The following KSR2 variants were observed in gnomAD, a reference collection of about 807,000 sequenced individuals.
The protein encoded by KSR2 is kinase suppressor of ras 2.
KSR2 carries 25 observed loss-of-function variants against 107.8 expected under a neutral mutation model. The observed-to-expected ratio is 0.23, with a 90% CI of 0.17 to 0.32. KSR2 has a LOEUF of 0.32. Among genes scored for constraint, KSR2 ranks in the 10% least tolerant of loss-of-function variants. The pLI, the probability that KSR2 is intolerant of heterozygous loss-of-function variation, is 1.00. For missense variants in KSR2, 887 were observed against 1,268.9 expected (o/e 0.70, Z 4.57); for synonymous variants, 480 against 507.0 (o/e 0.95, Z 0.71).
chr12:117,922,805 G>A (rs1338843747), intron 1 of KSR2, among the ~76,000 whole-genome samples: 1 of 152,168 alleles, frequency 6.6e-6, no homozygotes, highest in African/African-American at 2.4e-5. Flanking sequence ...GTGGAGAATG[G>A]AGAATAAAGA....
At chr12:117,668,020 G>A (rs987003545) in intron 4 of KSR2, among the ~76,000 whole-genome samples, 6 of 152,108 alleles carry the variant, frequency 3.9e-5, no homozygotes, top group Non-Finnish European at 8.8e-5. Context: ...CCCCCAACCC[G>A]TGGCCAAGCT....
Position 117,466,576 on chromosome 12 carries a change from C to G in KSR2, c.*623G>C, listed in dbSNP as rs1003716326. Reference sequence around the variant, plus strand: ...AAGGTGCCACACGCCATGACAGGCTCGGGTTGGGGTGTCTGAAAACAGATA... The same window carrying G: ...AAGGTGCCACACGCCATGACAGGCTGGGGTTGGGGTGTCTGAAAACAGATA... On this transcript the variant is annotated 3_prime_UTR_variant, in exon 20 of 20. Coordinates refer to ENST00000339824, the MANE Select transcript of KSR2 (RefSeq NM_173598.6). 14 of 152,378 alleles carry G rather than the reference C, an allele frequency of 9.2e-5. No homozygotes were observed. 9.4% of individuals were successfully genotyped at this position (152,378 alleles called of 1,614,324 possible).
At chr12:117,928,258 C>T (rs1013216681) in intron 1 of KSR2, among the ~76,000 whole-genome samples, 3 of 151,352 alleles carry the variant, frequency 2.0e-5, no homozygotes, top group Non-Finnish European at 4.4e-5. Flanking sequence ...CAGCTCACTG[C>T]AACCTCTGCT....
intron 1 of KSR2, among the ~76,000 whole-genome samples, chr12:117,892,869 T>C (rs901768896): frequency 2.0e-5 from 3 of 151,398 alleles, no homozygotes; most frequent in Non-Finnish European, 4.4e-5. Context: ...ATTGCATCTC[T>C]ACTCCAAATG....
intron 16 of KSR2, among the ~76,000 whole-genome samples, chr12:117,484,031 G>A (rs1249328290): frequency 6.6e-6 from 1 of 152,216 alleles, no homozygotes; most frequent in African/African-American, 2.4e-5. Context: ...GCTGTTAACT[G>A]TACTCTTCCT....
intron 4 of KSR2, among the ~76,000 whole-genome samples, chr12:117,708,630 C>T (rs1370487831): frequency 1.3e-5 from 2 of 152,186 alleles, no homozygotes; most frequent in East Asian, 1.9e-4. Context: ...GTCTCTCCAA[C>T]AATTGACTGA....
intron 5 of KSR2, among the ~76,000 whole-genome samples, chr12:117,633,441 A>G (rs1882901623): frequency 6.6e-6 from 1 of 152,206 alleles, no homozygotes; most frequent in African/African-American, 2.4e-5. Flanking sequence ...TCCCAGAACT[A>G]CTATAACAGA....
At chr12:117,521,531 C>T (rs939958586) in intron 14 of KSR2, among the ~76,000 whole-genome samples, 1 of 152,224 alleles carries the variant, frequency 6.6e-6, no homozygotes, top group Non-Finnish European at 1.5e-5. Flanking sequence ...ATTTAGCAAT[C>T]CTGCTGCTAA....
chr12:117,882,860 T>A (rs1036980275), intron 1 of KSR2, among the ~76,000 whole-genome samples: 4 of 151,620 alleles, frequency 2.6e-5, no homozygotes, highest in African/African-American at 9.7e-5. Flanking sequence ...CAACAATCCA[T>A]CCATCCAATC....
At chr12:117,626,501 G>T (rs1281675951) in intron 5 of KSR2, among the ~76,000 whole-genome samples, 7 of 152,174 alleles carry the variant, frequency 4.6e-5, no homozygotes, top group African/African-American at 1.7e-4. Flanking sequence ...CAGTTTCCAT[G>T]TAGTTGTGCA....
At chr12:117,481,517 C>G (rs1007449890) in intron 16 of KSR2, among the ~76,000 whole-genome samples, 1 of 152,184 alleles carries the variant, frequency 6.6e-6, no homozygotes, top group Non-Finnish European at 1.5e-5. Flanking sequence ...GGGAAGAGAG[C>G]CCTCACTAGA....
chr12:117,846,066 GCCTGCCCTTCCTAAC>G, intron 3 of KSR2, among the ~76,000 whole-genome samples: 1 of 151,300 alleles, frequency 6.6e-6, no homozygotes, highest in Non-Finnish European at 1.5e-5. Context: ...CTAACAAACA[GCCTGCCCTTCCTAAC>G]AGCCTGCCCT....
intron 14 of KSR2, 108 bp downstream of exon 14, chr12:117,524,744 A>C: frequency 5.5e-6 from 7 of 1,283,240 alleles, no homozygotes; most frequent in Non-Finnish European, 6.4e-6. Flanking sequence ...TGGTAGAACT[A>C]GAGATGGTCT....
chr12:117,895,256 T>C (rs1894476158), intron 1 of KSR2, among the ~76,000 whole-genome samples: 1 of 151,934 alleles, frequency 6.6e-6, no homozygotes, highest in Non-Finnish European at 1.5e-5. Flanking sequence ...ATAAAATATA[T>C]ATTACCGACA....
intron 3 of KSR2, among the ~76,000 whole-genome samples, chr12:117,777,339 T>C (rs1335366003): frequency 6.6e-6 from 1 of 152,028 alleles, no homozygotes; most frequent in Non-Finnish European, 1.5e-5. Context: ...TTCAGCGCTA[T>C]GCTTTGGGGC....
At chr12:117,472,017 C>A (rs1379101144) in intron 17 of KSR2, among the ~76,000 whole-genome samples, 2 of 150,574 alleles carry the variant, frequency 1.3e-5, no homozygotes, top group Admixed American at 6.6e-5. Context: ...CCCTGCGGAA[C>A]GGTGGAAAGA....
At chr12:117,835,632 G>A (rs533879380) in intron 3 of KSR2, among the ~76,000 whole-genome samples, 84 of 152,216 alleles carry the variant, frequency 5.5e-4, no homozygotes, top group African/African-American at 1.0e-3. Context: ...TGATTTTGCC[G>A]CAGGGGACAT....
At chr12:117,869,918 G>C (rs1483101096) in intron 1 of KSR2, among the ~76,000 whole-genome samples, 1 of 152,248 alleles carries the variant, frequency 6.6e-6, no homozygotes, top group East Asian at 1.9e-4. Flanking sequence ...TTTAATCCAT[G>C]TGACAATGCT....
chr12:117,815,032 G>A (rs1013946311), intron 3 of KSR2, among the ~76,000 whole-genome samples: 12 of 152,264 alleles, frequency 7.9e-5, no homozygotes, highest in African/African-American at 2.2e-4. Flanking sequence ...TTAAATATAT[G>A]AACATTCTTA....
Sources: allele counts gnomAD v4.1 joint callset (sites outside exome capture counted in the v4.1 genomes callset), GRCh38; gene constraint gnomAD v4.1.1; transcripts MANE v1.5; gene names NCBI Gene and HGNC (gene_info 2026-07-23, HGNC 2026-07-21).